Variants in ERC2 observed in about 807,000 individuals in gnomAD.
The protein encoded by ERC2 is ELKS/RAB6-interacting/CAST family member 2.
In ERC2, 42 loss-of-function variants were observed where a neutral mutation model predicts 114.8. That is an observed-to-expected ratio of 0.37 (90% CI 0.29 to 0.47). The LOEUF (loss-of-function observed/expected upper bound fraction) is 0.47, where lower values mean the gene tolerates loss of function less well. Among genes scored for constraint, ERC2 ranks in the 20% least tolerant of loss-of-function variants. The probability of loss-of-function intolerance (pLI) is 0.99; values close to 1 mark genes in which losing one functional copy is unlikely to be tolerated. For synonymous variants in ERC2, 454 were observed against 425.5 expected, an observed-to-expected ratio of 1.07 and a Z score of -0.82; for missense variants, 939 against 1,150.7, an observed-to-expected ratio of 0.82 and a Z score of 2.66.
At chr3:56,281,436 C>CAAAAAAA in intron 3 of ERC2, among the ~76,000 whole-genome samples, 1 of 47,522 alleles carries the variant, frequency 2.1e-5, no homozygotes, top group Non-Finnish European at 3.5e-5. Context: ...GACTCCGTCT[C>CAAAAAAA]AAAAAAAAAA....
At chr3:56,106,433 C>T (rs1328764480) in intron 6 of ERC2, among the ~76,000 whole-genome samples, 1 of 152,180 alleles carries the variant, frequency 6.6e-6, no homozygotes, top group East Asian at 1.9e-4. Context: ...GAGGACACAA[C>T]AATAAGTGTG....
At chr3:56,134,113 C>T (rs2080356855) in intron 6 of ERC2, among the ~76,000 whole-genome samples, 1 of 152,192 alleles carries the variant, frequency 6.6e-6, no homozygotes, top group Non-Finnish European at 1.5e-5. Flanking sequence ...GGGTAACCAC[C>T]TTAGCAATAT....
At chr3:55,577,123 T>TAA (rs1436161121) in intron 17 of ERC2, among the ~76,000 whole-genome samples, 1 of 152,190 alleles carries the variant, frequency 6.6e-6, no homozygotes, top group South Asian at 2.1e-4. Flanking sequence ...AACTGATTTT[T>TAA]AAAAAAATCC....
At position 55,699,369 on chromosome 3, in the gene ERC2, G is replaced by A; in HGVS notation, c.2847+9C>T. 1 of 1,613,710 alleles carries A rather than the reference G, an allele frequency of 6.2e-7. No individual in the cohort carries two copies. The highest frequency in any genetic ancestry group is 2.2e-5 in the East Asian group (1 of 44,862). Reference sequence around the variant, plus strand: ...AGGGGTCTTGGAGGTAAGCAGCGATGAAACTGACCTGGTCCGGAGAGGGCC... The same window carrying A: ...AGGGGTCTTGGAGGTAAGCAGCGATAAAACTGACCTGGTCCGGAGAGGGCC... On this transcript the variant is annotated intron_variant, in intron 16 of 17. Transcript: ENST00000288221.
intron 12 of ERC2, among the ~76,000 whole-genome samples, chr3:55,973,130 C>T (rs1346729966): frequency 3.3e-5 from 5 of 152,152 alleles, no homozygotes; most frequent in Admixed American, 6.5e-5. Flanking sequence ...CAGGGTGTTG[C>T]CTCACTGATT....
At chr3:55,766,036 G>A (rs1383082211) in intron 14 of ERC2, among the ~76,000 whole-genome samples, 2 of 152,224 alleles carry the variant, frequency 1.3e-5, no homozygotes, top group Non-Finnish European at 2.9e-5. Flanking sequence ...CAGAACCCCT[G>A]TAGGGTATGC....
At chr3:55,700,635 C>A (rs1342913350) in intron 15 of ERC2, among the ~76,000 whole-genome samples, 1 of 152,140 alleles carries the variant, frequency 6.6e-6, no homozygotes, top group Non-Finnish European at 1.5e-5. Flanking sequence ...GCTTCCTTTG[C>A]TTGCAATGCC....
intron 14 of ERC2, among the ~76,000 whole-genome samples, chr3:55,784,502 C>G (rs763933073): frequency 6.6e-6 from 1 of 152,160 alleles, no homozygotes; most frequent in South Asian, 2.1e-4. Context: ...GACCTTGTGA[C>G]GTTGAAATTC....
chr3:55,777,086 AT>A (rs1353499342), intron 14 of ERC2, among the ~76,000 whole-genome samples: 5 of 150,444 alleles, frequency 3.3e-5, no homozygotes, highest in Admixed American at 2.7e-4. Context: ...TAAAAAAAAA[AT>A]AATAACAGCA....
At chr3:56,192,442 T>C (rs1316926128) in intron 3 of ERC2, among the ~76,000 whole-genome samples, 1 of 152,230 alleles carries the variant, frequency 6.6e-6, no homozygotes, top group Non-Finnish European at 1.5e-5. Flanking sequence ...TCCATTTATT[T>C]CTACTCGATA....
intron 2 of ERC2, among the ~76,000 whole-genome samples, chr3:56,310,414 T>G (rs1451756359): frequency 6.6e-6 from 1 of 152,208 alleles, no homozygotes; most frequent in Non-Finnish European, 1.5e-5. Context: ...TGAAATTTCC[T>G]TCCCTGTCAC....
At chr3:55,560,436 C>T (rs1417638023) in intron 17 of ERC2, among the ~76,000 whole-genome samples, 1 of 152,148 alleles carries the variant, frequency 6.6e-6, no homozygotes, top group Non-Finnish European at 1.5e-5. Context: ...TCTCCTGGAG[C>T]CCTAAGCTGC....
chr3:56,246,197 G>C (rs368105592), intron 3 of ERC2, among the ~76,000 whole-genome samples: 3 of 151,234 alleles, frequency 2.0e-5, no homozygotes, highest in South Asian at 4.2e-4. Context: ...ATCTTGACTT[G>C]ACTGTGTTTA....
intron 3 of ERC2, among the ~76,000 whole-genome samples, chr3:56,188,719 G>A (rs1055555046): frequency 6.6e-6 from 1 of 152,184 alleles, no homozygotes; most frequent in Non-Finnish European, 1.5e-5. Context: ...GGAACAAGCT[G>A]GTCCAGCTTC....
intron 14 of ERC2, among the ~76,000 whole-genome samples, chr3:55,785,477 G>A (rs975789377): frequency 6.6e-6 from 1 of 152,124 alleles, no homozygotes; most frequent in African/African-American, 2.4e-5. Flanking sequence ...GCAATAGGTG[G>A]TTATCATGGT....
chr3:56,252,757 C>CAAAAAAAAAAAAAAAAAAAA (rs71099628), intron 3 of ERC2, among the ~76,000 whole-genome samples: 1 of 74,166 alleles, frequency 1.3e-5, no homozygotes, highest in African/African-American at 5.7e-5. Flanking sequence ...AACTCTGTCT[C>CAAAAAAAAAAAAAAAAAAAA]AAAAAAAAAA....
intron 2 of ERC2, among the ~76,000 whole-genome samples, chr3:56,396,964 C>T (rs2060331799): frequency 6.6e-6 from 1 of 152,114 alleles, no homozygotes; most frequent in Non-Finnish European, 1.5e-5. Context: ...CTCCCTACCT[C>T]AAGCCACTGA....
intron 12 of ERC2, among the ~76,000 whole-genome samples, chr3:55,971,096 T>C (rs781016906): frequency 6.6e-6 from 1 of 151,884 alleles, no homozygotes; most frequent in Non-Finnish European, 1.5e-5. Flanking sequence ...CAAAAACACA[T>C]AATATATAAT....
chr3:56,434,782 G>T lies in ERC2; in HGVS notation c.226C>A (p.Pro76Thr), dbSNP rs777948902. Residue 76 changes from proline (P) to threonine (T), a missense_variant, in exon 2 of 18, where the codon CCA becomes ACA. Physicochemically the swap from Pro to Thr is conservative, Grantham distance 38 (BLOSUM62 -1). This residue lies in a region of ERC2 where 281 missense variants were observed against 307.4 expected (regional missense o/e 0.91). Transcript: ENST00000288221. ...CTTCCCAGAGTCATAGTGCCCTTTGGGTAGGTTGTTGAAGCCACCCCTTCA... is the reference window on the plus strand; with the variant it reads ...CTTCCCAGAGTCATAGTGCCCTTTGTGTAGGTTGTTGAAGCCACCCCTTCA... Reference protein sequence around the residue: ...DHEGVASTTYPKGTMTLGRAT... With the variant: ...DHEGVASTTYTKGTMTLGRAT... 3 of 1,613,962 alleles carry T rather than the reference G, an allele frequency of 1.9e-6. No homozygotes were observed. The South Asian group carries it at 3.3e-5, about 18-fold the overall frequency.
Sources: gnomAD v4.1 joint callset for allele counts (sites outside exome capture counted in the v4.1 genomes callset) on GRCh38, gnomAD v4.1.1 for gene constraint, gnomAD v4.1.1 regional missense constraint, MANE v1.5 for transcripts, NCBI Gene and HGNC (gene_info 2026-07-23, HGNC 2026-07-21) for gene names.